Variants in NOL10 observed in about 807,000 individuals in gnomAD.
NOL10 encodes nucleolar protein 10, also known as H_NH0074G24.1.
In NOL10, 58 loss-of-function variants were observed where a neutral mutation model predicts 103.5. The observed-to-expected ratio is 0.56, with a 90% CI of 0.45 to 0.70. The LOEUF is 0.70. NOL10 is among the 30% of genes least tolerant of loss of function. The pLI is 0.00. For synonymous variants in NOL10, 287 were observed against 282.5 expected, an observed-to-expected ratio of 1.02 and a Z score of -0.16; for missense variants, 763 against 807.3, an observed-to-expected ratio of 0.95 and a Z score of 0.67.
At chr2:10,573,572 C>T (rs10177062) in intron 20 of NOL10, among the ~76,000 whole-genome samples, 46,018 of 151,306 alleles carry the variant, frequency 0.3, 7,713 homozygotes, top group Non-Finnish European at 0.38. Flanking sequence ...AGTGGATTCA[C>T]CTCTTGTGGA....
chr2:10,634,635 A>C, intron 13 of NOL10: 1 of 456,174 alleles, frequency 2.2e-6, no homozygotes, highest in Admixed American at 2.4e-5. Flanking sequence ...AGGCATAAAC[A>C]AGCTCCCTGG....
At chr2:10,612,491 CT>C (rs34578777) in intron 13 of NOL10, among the ~76,000 whole-genome samples, 14,395 of 151,992 alleles carry the variant, frequency 0.095, 843 homozygotes, top group Admixed American at 0.16. Flanking sequence ...TTGAAATTAT[CT>C]TTTTTTAGAA....
At chr2:10,631,494 G>GA (rs5829272) in intron 13 of NOL10, among the ~76,000 whole-genome samples, 5,060 of 151,754 alleles carry the variant, frequency 0.033, 289 homozygotes, top group African/African-American at 0.12. Context: ...ATTTTTATAG[G>GA]AAAAAAAAGT....
At chr2:10,663,091 G>C (rs752308842) in intron 8 of NOL10, 47 bp from the exon 9 acceptor site, 1 of 1,501,516 alleles carries the variant, frequency 6.7e-7, no homozygotes, top group Non-Finnish European at 9.2e-7. Flanking sequence ...AGAAGGCGGG[G>C]CATGGTGGCT....
In NOL10 at chr2:10,656,004, C is replaced by T. The variant is rs368859784; in HGVS notation, c.907-1457G>A. ...CAAAGGGAAAGGAATTATAATGGCACGGAACAACAATGACAAAAAGGTGTC... is the reference window on the plus strand; with the variant it reads ...CAAAGGGAAAGGAATTATAATGGCATGGAACAACAATGACAAAAAGGTGTC... On this transcript the variant is annotated intron_variant, in intron 11 of 20. Coordinates refer to ENST00000381685, the MANE Select transcript of NOL10 (RefSeq NM_024894.4). Among the ~76,000 whole-genome samples, 11 of 151,998 alleles carry T rather than the reference C, an allele frequency of 7.2e-5. No individual in the cohort carries two copies. In the East Asian group the frequency reaches 7.7e-4, roughly 11 times the overall value.
Position 10,629,217 on chromosome 2 carries a change from A to C in NOL10, c.1026+15103T>G, listed in dbSNP as rs143423346. 7.7e-3 allele frequency among the ~76,000 whole-genome samples: 1,176 copies of C among 151,938 alleles called. 35 individuals are homozygous for C. The East Asian group carries it at 0.087, about 11-fold the overall frequency. On this transcript the variant is annotated intron_variant, in intron 13 of 20. Transcript: ENST00000381685. ...TCTGACAGGATTTCACTTTAAATCC[A>C]ATCAGTAGCCACTAAAATATCCCAA...
At chr2:10,661,956 T>C (rs1680236536) in intron 9 of NOL10, among the ~76,000 whole-genome samples, 1 of 152,122 alleles carries the variant, frequency 6.6e-6, no homozygotes, top group Non-Finnish European at 1.5e-5. Context: ...CACCCAGCCT[T>C]CTTCCTATGA....
At chr2:10,678,095 T>C (rs894777545) in intron 3 of NOL10, among the ~76,000 whole-genome samples, 2 of 151,688 alleles carry the variant, frequency 1.3e-5, no homozygotes, top group Non-Finnish European at 2.9e-5. Flanking sequence ...GTTGCCCAGG[T>C]TGGAGCACAG....
At chr2:10,659,301 C>G in intron 9 of NOL10, 51 bp from the exon 10 acceptor site, 1 of 930,472 alleles carries the variant, frequency 1.1e-6, no homozygotes, top group Non-Finnish European at 1.7e-6. Context: ...AACCTCCTTC[C>G]AAGTAACAAG....
chr2:10,631,540 A>T (rs1357487181), intron 13 of NOL10, among the ~76,000 whole-genome samples: 1 of 152,214 alleles, frequency 6.6e-6, no homozygotes, highest in Non-Finnish European at 1.5e-5. Flanking sequence ...ATCACTATTA[A>T]ATCTTTTGGA....
Position 10,659,304 on chromosome 2 carries a change from G to C in NOL10, c.678-54C>G, listed in dbSNP as rs1680031975. 6.2e-6 allele frequency: 4 copies of C among 640,510 alleles called. No homozygotes were observed. The East Asian group carries it at 2.8e-4, about 44-fold the overall frequency. 39.7% of individuals were successfully genotyped at this position (640,510 alleles called of 1,614,324 possible). A position where few individuals can be genotyped will look rare whatever the true frequency, so the allele number is the denominator to read the frequency against. Reference sequence around the variant, plus strand: ...AATATACGGCCAAACCTCCTTCCAAGTAACAAGTTCATTATTAGTCTTCAC... The same window carrying C: ...AATATACGGCCAAACCTCCTTCCAACTAACAAGTTCATTATTAGTCTTCAC... On this transcript the variant is annotated intron_variant, in intron 9 of 20. Coordinates refer to ENST00000381685, the MANE Select transcript of NOL10 (RefSeq NM_024894.4).
At chr2:10,598,471 T>C (rs896706929) in intron 17 of NOL10, among the ~76,000 whole-genome samples, 2 of 152,186 alleles carry the variant, frequency 1.3e-5, no homozygotes, top group East Asian at 1.9e-4. Context: ...ATACAGGGAA[T>C]GTGGCTACTG....
At chr2:10,677,431 A>G (rs1681390061) in intron 3 of NOL10, among the ~76,000 whole-genome samples, 1 of 150,886 alleles carries the variant, frequency 6.6e-6, no homozygotes, top group Non-Finnish European at 1.5e-5. Context: ...CGTTTAAAGA[A>G]AAAAAAAAGG....
In NOL10 at chr2:10,607,201, T is replaced by C; in HGVS notation, c.1137A>G (p.Lys379=). The C allele has an allele frequency of 6.3e-7, 1 of 1,576,170 alleles. No homozygotes were observed. Among genetic ancestry groups the C allele is most frequent in the Non-Finnish European group, 8.6e-7 (1 of 1,160,316 alleles). The change falls in exon 14 of 21, where the codon AAA becomes AAG. Residue 379 remains lysine (K), a synonymous_variant. Transcript: ENST00000381685. ...TTTTTTTACCTAAATTTTCAAGGTC[T>C]TTCTTGGTGACAAATTTATAATCAT... ...VYDDYKFVTK[K]DLENLGLTHL...
At chr2:10,684,743 T>C (rs1572450993) in intron 1 of NOL10, 131 bp from the exon 2 acceptor site, 1 of 643,594 alleles carries the variant, frequency 1.6e-6, no homozygotes, top group Non-Finnish European at 2.7e-6. Context: ...AAGCAAAAAA[T>C]ATTCTCTAAT....
chr2:10,659,453 G>A (rs1473685765), intron 9 of NOL10, among the ~76,000 whole-genome samples: 1 of 151,298 alleles, frequency 6.6e-6, no homozygotes, highest in Non-Finnish European at 1.5e-5. Flanking sequence ...GAGGTGGGAG[G>A]ATTTCTTGAG....
At chr2:10,660,760 C>T (rs1680144864) in intron 9 of NOL10, among the ~76,000 whole-genome samples, 1 of 151,798 alleles carries the variant, frequency 6.6e-6, no homozygotes, top group Non-Finnish European at 1.5e-5. Context: ...TATATTAGTT[C>T]TTATAGATTT....
intron 13 of NOL10, among the ~76,000 whole-genome samples, chr2:10,625,897 G>A (rs1283483384): frequency 6.6e-6 from 1 of 152,112 alleles, no homozygotes; most frequent in Non-Finnish European, 1.5e-5. Context: ...TGTCAGGTCA[G>A]GTGTGGTGGC....
chr2:10,617,406 C>T (rs73167845), intron 13 of NOL10, among the ~76,000 whole-genome samples: 4 of 152,098 alleles, frequency 2.6e-5, no homozygotes, highest in Admixed American at 1.3e-4. Flanking sequence ...GCTGACAGTT[C>T]GGCAACGAGC....
Sources: gnomAD v4.1 joint callset for allele counts (sites outside exome capture counted in the v4.1 genomes callset) on GRCh38, gnomAD v4.1.1 for gene constraint, MANE v1.5 for transcripts, NCBI Gene and HGNC (gene_info 2026-07-23, HGNC 2026-07-21) for gene names.